Variants in STXBP6 observed in about 807,000 individuals in gnomAD.
STXBP6 encodes the protein syntaxin binding protein 6.
STXBP6 carries 21 observed loss-of-function variants against 26.9 expected under a neutral mutation model. That is an observed-to-expected ratio of 0.78 (90% CI 0.55 to 1.12). STXBP6 has a LOEUF of 1.12. Among genes scored for constraint, STXBP6 ranks in the 50% most tolerant of loss-of-function variants. The probability of loss-of-function intolerance (pLI) is 0.00; values close to 1 mark genes in which losing one functional copy is unlikely to be tolerated. For synonymous variants in STXBP6, 97 were observed against 92.6 expected (o/e 1.05, Z -0.27); for missense variants, 232 against 257.9 (o/e 0.90, Z 0.69).
intron 4 of STXBP6, chr14:24,819,493 T>C (rs1234555704): frequency 1.8e-6 from 1 of 551,936 alleles, no homozygotes; most frequent in Non-Finnish European, 3.2e-6. Flanking sequence ...CTCAAAAGGA[T>C]GGGGCCTGTC....
chr14:24,926,206 G>A (rs969798685), intron 2 of STXBP6, among the ~76,000 whole-genome samples: 2 of 152,094 alleles, frequency 1.3e-5, no homozygotes, highest in African/African-American at 4.8e-5. Flanking sequence ...GACTAGCAAA[G>A]CCCTGGTGAA....
At chr14:24,971,847 C>T (rs1471278595) in intron 2 of STXBP6, among the ~76,000 whole-genome samples, 3 of 152,186 alleles carry the variant, frequency 2.0e-5, no homozygotes, top group African/African-American at 7.2e-5. Context: ...TCTATTGCTA[C>T]TTGCCCACCA....
At chr14:24,953,587 C>G (rs775875295) in intron 2 of STXBP6, among the ~76,000 whole-genome samples, 20 of 152,226 alleles carry the variant, frequency 1.3e-4, no homozygotes, top group Non-Finnish European at 7.3e-5. Flanking sequence ...TTGTCACTCG[C>G]TTTCTACTGA....
At chr14:24,882,171 AG>A (rs2070382566) in intron 2 of STXBP6, among the ~76,000 whole-genome samples, 1 of 151,364 alleles carries the variant, frequency 6.6e-6, no homozygotes. Context: ...CGAGGTCAGG[AG>A]ATCGCGACCA....
intron 2 of STXBP6, among the ~76,000 whole-genome samples, chr14:24,867,655 C>CA (rs200946912): frequency 0.055 from 8,320 of 151,416 alleles, 317 homozygotes; most frequent in East Asian, 0.19. Flanking sequence ...GTACTATACA[C>CA]AAAAAAAATA....
At chr14:24,895,056 A>G (rs1463271517) in intron 2 of STXBP6, among the ~76,000 whole-genome samples, 1 of 152,168 alleles carries the variant, frequency 6.6e-6, no homozygotes, top group Non-Finnish European at 1.5e-5. Flanking sequence ...GCCCAAGTCA[A>G]TATCTCTATT....
intron 5 of STXBP6, chr14:24,817,461 A>T (rs1475749828): frequency 6.5e-6 from 1 of 154,686 alleles, no homozygotes; most frequent in African/African-American, 2.4e-5. Context: ...GTGTGGGAAG[A>T]CATGAAAGAA....
intron 2 of STXBP6, among the ~76,000 whole-genome samples, chr14:24,888,421 A>C (rs1034785510): frequency 6.6e-6 from 1 of 152,152 alleles, no homozygotes; most frequent in Non-Finnish European, 1.5e-5. Flanking sequence ...GGGGTGAGAT[A>C]GAGCTAAGAT....
chr14:24,893,266 T>C (rs558742148), intron 2 of STXBP6, among the ~76,000 whole-genome samples: 1 of 152,376 alleles, frequency 6.6e-6, no homozygotes, highest in South Asian at 2.1e-4. Flanking sequence ...GTGCTTATCA[T>C]GTGCCAGGAC....
intron 2 of STXBP6, among the ~76,000 whole-genome samples, chr14:24,907,973 G>C (rs151112280): frequency 5.9e-5 from 9 of 152,058 alleles, no homozygotes; most frequent in East Asian, 1.9e-4. Flanking sequence ...CCCCAAATCT[G>C]TATCTCACGC....
intron 1 of STXBP6, among the ~76,000 whole-genome samples, chr14:24,976,037 T>G (rs891408383): frequency 1.3e-5 from 2 of 151,974 alleles, no homozygotes; most frequent in African/African-American, 2.4e-5. Context: ...GCTCAAAGAG[T>G]TGATCAGACT....
At chr14:25,013,596 A>C (rs1381614678) in intron 1 of STXBP6, among the ~76,000 whole-genome samples, 1 of 152,156 alleles carries the variant, frequency 6.6e-6, no homozygotes, top group African/African-American at 2.4e-5. Context: ...TCTAGCCTCT[A>C]AATGTAACTA....
chr14:24,870,158 A>G (rs182156448), intron 2 of STXBP6, among the ~76,000 whole-genome samples: 56 of 152,270 alleles, frequency 3.7e-4, no homozygotes, highest in Admixed American at 9.8e-4. Flanking sequence ...TTATTTTGGT[A>G]CTAAAACCTC....
intron 2 of STXBP6, among the ~76,000 whole-genome samples, chr14:24,956,685 A>C (rs72682958): frequency 0.19 from 28,817 of 151,730 alleles, 2,861 homozygotes; most frequent in South Asian, 0.33. Flanking sequence ...TTAAAGAACA[A>C]AAAACAAACA....
intron 2 of STXBP6, among the ~76,000 whole-genome samples, chr14:24,903,349 C>G (rs982326880): frequency 7.2e-5 from 11 of 152,176 alleles, no homozygotes; most frequent in African/African-American, 2.7e-4. Context: ...GTCTAAAAGC[C>G]TTCTCTTCTT....
intron 4 of STXBP6, among the ~76,000 whole-genome samples, chr14:24,851,492 G>GT (rs2139129829): frequency 6.6e-6 from 1 of 151,078 alleles, no homozygotes; most frequent in East Asian, 2.0e-4. Flanking sequence ...GCGGTGTTTG[G>GT]TTTTTTGTCC....
At chr14:24,830,190 G>C (rs1218023202) in intron 4 of STXBP6, among the ~76,000 whole-genome samples, 1 of 152,068 alleles carries the variant, frequency 6.6e-6, no homozygotes, top group East Asian at 1.9e-4. Context: ...GGGGCTTATA[G>C]ACCATGGTAA....
At chr14:24,894,644 G>A (rs112626603) in intron 2 of STXBP6, among the ~76,000 whole-genome samples, 2 of 152,228 alleles carry the variant, frequency 1.3e-5, no homozygotes, top group African/African-American at 4.8e-5. Flanking sequence ...GCTCACATGT[G>A]TTTGCTTTAT....
At position 24,963,044 on chromosome 14, in the gene STXBP6, C is replaced by T. The variant is rs540818148; in HGVS notation, c.154+11621G>A. 4.6e-4 allele frequency among the ~76,000 whole-genome samples: 70 copies of T among 152,122 alleles called. 1 individual carries two copies. The highest frequency in any genetic ancestry group is 9.6e-4 in the East Asian group (5 of 5,188). On this transcript the variant is annotated intron_variant, in intron 2 of 5. Transcript: ENST00000323944. ...AAAATTATACCTAGATATTATAAAACGGGAGAAGTATTAAAAAACATGAAT... is the reference window on the plus strand; with the variant it reads ...AAAATTATACCTAGATATTATAAAATGGGAGAAGTATTAAAAAACATGAAT...
Sources: gnomAD v4.1 joint callset for allele counts (sites outside exome capture counted in the v4.1 genomes callset) on GRCh38, gnomAD v4.1.1 for gene constraint, MANE v1.5 for transcripts, NCBI Gene and HGNC (gene_info 2026-07-23, HGNC 2026-07-21) for gene names.